The following RABGAP1L variants were observed in gnomAD, a reference collection of about 807,000 sequenced individuals.
RABGAP1L encodes RAB GTPase activating protein 1 like, also known as rab GTPase-activating protein 1-like.
RABGAP1L carries 63 observed loss-of-function variants against 137.7 expected under a neutral mutation model. The observed-to-expected ratio is 0.46, with a 90% CI of 0.37 to 0.56. The LOEUF is 0.56. RABGAP1L is among the 20% of genes least tolerant of loss of function. The pLI, the probability that RABGAP1L is intolerant of heterozygous loss-of-function variation, is 0.00. For synonymous variants in RABGAP1L, 431 were observed against 433.7 expected (o/e 0.99, Z 0.08); for missense variants, 1,095 against 1,244.0 (o/e 0.88, Z 1.80).
At chr1:174,708,464 G>A (rs888537537) in intron 17 of RABGAP1L, among the ~76,000 whole-genome samples, 4 of 152,296 alleles carry the variant, frequency 2.6e-5, no homozygotes, top group African/African-American at 4.8e-5. Context: ...CACTGGGACT[G>A]GTTAGACAGT....
At chr1:174,618,802 C>T (rs750435946) in intron 13 of RABGAP1L, among the ~76,000 whole-genome samples, 31 of 152,088 alleles carry the variant, frequency 2.0e-4, no homozygotes, top group Non-Finnish European at 4.1e-4. Flanking sequence ...ATGACTTTGA[C>T]GAGTTGAGAG....
chr1:174,890,674 A>G (rs1318258916), intron 19 of RABGAP1L, among the ~76,000 whole-genome samples: 1 of 151,908 alleles, frequency 6.6e-6, no homozygotes, highest in Admixed American at 6.6e-5. Flanking sequence ...TCCTTCTATA[A>G]ATATTTTTAT....
At chr1:174,364,757 G>A (rs1205432914) in intron 11 of RABGAP1L, among the ~76,000 whole-genome samples, 4 of 152,128 alleles carry the variant, frequency 2.6e-5, no homozygotes, top group African/African-American at 9.7e-5. Context: ...CCTGAAACGA[G>A]CATGTCTCAG....
intron 11 of RABGAP1L, among the ~76,000 whole-genome samples, chr1:174,351,062 A>G (rs1683130304): frequency 1.8e-5 from 1 of 56,688 alleles, no homozygotes; most frequent in South Asian, 8.6e-4. Context: ...CATGAGAGGG[A>G]GACCGTGGGG....
intron 14 of RABGAP1L, among the ~76,000 whole-genome samples, chr1:174,680,854 A>G (rs916225739): frequency 1.2e-4 from 19 of 152,128 alleles, no homozygotes; most frequent in Non-Finnish European, 2.1e-4. Context: ...GCCACCGCAC[A>G]CCAGCCTGGG....
chr1:174,666,385 G>A (rs1676788451), intron 14 of RABGAP1L, among the ~76,000 whole-genome samples: 1 of 152,190 alleles, frequency 6.6e-6, no homozygotes, highest in Admixed American at 6.5e-5. Context: ...TCTCTTCTCA[G>A]CGTTGCTATT....
intron 13 of RABGAP1L, among the ~76,000 whole-genome samples, chr1:174,624,167 G>T (rs1257079835): frequency 3.9e-5 from 6 of 152,154 alleles, no homozygotes; most frequent in Non-Finnish European, 5.9e-5. Context: ...TCCTGCTTTG[G>T]AGGGTTTGTT....
chr1:174,410,724 C>G (rs1649828544), intron 13 of RABGAP1L, among the ~76,000 whole-genome samples: 1 of 151,996 alleles, frequency 6.6e-6, no homozygotes, highest in East Asian at 1.9e-4. Flanking sequence ...CTATTTGGGC[C>G]ATTTTTTGGT....
intron 8 of RABGAP1L, among the ~76,000 whole-genome samples, chr1:174,274,742 C>T (rs910506643): frequency 7.3e-5 from 11 of 151,664 alleles, no homozygotes; most frequent in African/African-American, 2.7e-4. Flanking sequence ...AATGCATGGT[C>T]CCTGCGCTCA....
At chr1:174,400,217 CTCTA>C (rs569557688) in intron 13 of RABGAP1L, among the ~76,000 whole-genome samples, 6 of 152,128 alleles carry the variant, frequency 3.9e-5, no homozygotes, top group Non-Finnish European at 7.4e-5. Flanking sequence ...ATTACTTACT[CTCTA>C]TCTTTTATAC....
chr1:174,222,372 T>G (rs938845003), intron 3 of RABGAP1L, among the ~76,000 whole-genome samples: 12 of 152,188 alleles, frequency 7.9e-5, no homozygotes, highest in African/African-American at 2.9e-4. Flanking sequence ...ATAGCCAAAC[T>G]GTTACACAAT....
intron 3 of RABGAP1L, among the ~76,000 whole-genome samples, chr1:174,228,402 T>A (rs1376892079): frequency 6.6e-6 from 1 of 152,198 alleles, no homozygotes; most frequent in African/African-American, 2.4e-5. Flanking sequence ...GTTACACATG[T>A]TAGACCACTT....
intron 7 of RABGAP1L, among the ~76,000 whole-genome samples, chr1:174,264,940 G>A (rs1258122976): frequency 6.6e-6 from 1 of 151,996 alleles, no homozygotes; most frequent in Non-Finnish European, 1.5e-5. Flanking sequence ...AGGTACTTTT[G>A]CTATAAATTT....
intron 14 of RABGAP1L, among the ~76,000 whole-genome samples, chr1:174,654,724 T>C (rs1263745056): frequency 2.0e-5 from 3 of 152,222 alleles, no homozygotes; most frequent in Non-Finnish European, 4.4e-5. Flanking sequence ...AAGGGCTTTT[T>C]TTCTTTGCAA....
intron 17 of RABGAP1L, among the ~76,000 whole-genome samples, chr1:174,708,185 A>T (rs1680192270): frequency 6.6e-6 from 1 of 152,228 alleles, no homozygotes; most frequent in Non-Finnish European, 1.5e-5. Flanking sequence ...ATTAAATATC[A>T]CCAGGTATAA....
At chr1:174,712,431 C>G (rs1013625902) in intron 17 of RABGAP1L, among the ~76,000 whole-genome samples, 3 of 152,138 alleles carry the variant, frequency 2.0e-5, no homozygotes, top group African/African-American at 7.2e-5. Flanking sequence ...CCTTTAAGAA[C>G]TGTAACACTC....
intron 13 of RABGAP1L, among the ~76,000 whole-genome samples, chr1:174,547,367 G>A (rs1045722902): frequency 8.6e-5 from 13 of 151,874 alleles, no homozygotes; most frequent in African/African-American, 2.9e-4. Flanking sequence ...CTGTAATCCT[G>A]GTACTTTGGA....
chr1:174,251,583 C>A (rs998488455), intron 6 of RABGAP1L, among the ~76,000 whole-genome samples: 1 of 152,026 alleles, frequency 6.6e-6, no homozygotes, highest in African/African-American at 2.4e-5. Flanking sequence ...TAAGACAAGC[C>A]ATATTTTATA....
intron 19 of RABGAP1L, chr1:174,875,534 A>C: frequency 1.0e-6 from 1 of 985,430 alleles, no homozygotes; most frequent in South Asian, 4.7e-5. Context: ...CCTTATTCAG[A>C]TATCCATGTG....
Sources: gnomAD v4.1 joint callset for allele counts (sites outside exome capture counted in the v4.1 genomes callset) on GRCh38, gnomAD v4.1.1 for gene constraint, MANE v1.5 for transcripts, NCBI Gene and HGNC (gene_info 2026-07-23, HGNC 2026-07-21) for gene names.